Variants in SAMMSON observed in about 807,000 individuals in gnomAD.
The protein encoded by SAMMSON is survival associated mitochondrial melanoma specific oncogenic non-coding RNA, also known as long intergenic non-protein coding RNA 1212.
chr3:70,128,046 T>C (rs1024277754), intron 4 of SAMMSON, among the ~76,000 whole-genome samples: 4 of 152,202 alleles, frequency 2.6e-5, no homozygotes, highest in Non-Finnish European at 4.4e-5. Flanking sequence ...AGTTCACATG[T>C]TGAGTGAATG....
At chr3:70,308,620 G>A (rs568322234) in intron 7 of SAMMSON, among the ~76,000 whole-genome samples, 1 of 152,276 alleles carries the variant, frequency 6.6e-6, no homozygotes, top group Non-Finnish European at 1.5e-5. Flanking sequence ...AAAGCAAGAC[G>A]ATTGAATGAG....
intron 6 of SAMMSON, among the ~76,000 whole-genome samples, chr3:70,275,587 T>G (rs1211855845): frequency 6.6e-6 from 1 of 152,090 alleles, no homozygotes; most frequent in Non-Finnish European, 1.5e-5. Flanking sequence ...ACTGCCTAGG[T>G]TTAAATCCTG....
intron 4 of SAMMSON, among the ~76,000 whole-genome samples, chr3:70,147,469 C>G (rs985863698): frequency 6.6e-6 from 1 of 151,922 alleles, no homozygotes; most frequent in Non-Finnish European, 1.5e-5. Context: ...AGGGATCACA[C>G]GTAGATGACT....
chr3:70,386,376 G>A (rs1349445938), intron 9 of SAMMSON, among the ~76,000 whole-genome samples: 1 of 151,968 alleles, frequency 6.6e-6, no homozygotes, highest in Non-Finnish European at 1.5e-5. Flanking sequence ...GACAGAAAAT[G>A]TGCTGTCCAG....
chr3:70,379,237 C>G (rs908778425), intron 9 of SAMMSON, among the ~76,000 whole-genome samples: 1 of 152,138 alleles, frequency 6.6e-6, no homozygotes, highest in East Asian at 1.9e-4. Context: ...TGGTCTCAAG[C>G]GCCTGACCTC....
chr3:70,267,058 G>T (rs1458021809), intron 6 of SAMMSON, among the ~76,000 whole-genome samples: 1 of 152,108 alleles, frequency 6.6e-6, no homozygotes, highest in Non-Finnish European at 1.5e-5. Flanking sequence ...GAGCAATGTC[G>T]TGCCAATGAA....
rs5849946 is a variant in SAMMSON, at chr3:70,324,920, C to CAA, written n.740-29242_740-29241dup. On this transcript the variant is annotated intron_variant and non_coding_transcript_variant, in intron 7 of 9. Transcript: ENST00000642114. ...GTTGGAAGGTGAATATGTAAATGGC[C>CAA]AAAAAAAAAAAAAAGAAGTGATACG... Among the ~76,000 whole-genome samples, 1,292 of 134,786 alleles carry CAA rather than the reference C, an allele frequency of 9.6e-3. 18 individuals are homozygous for CAA. Among genetic ancestry groups the CAA allele is most frequent in the East Asian group, 0.059 (268 of 4,532 alleles). The allele number at this position is 134,786 out of a possible 152,430, so 88.4% of individuals were successfully genotyped here.
At chr3:70,238,378 G>A (rs956331960) in intron 4 of SAMMSON, among the ~76,000 whole-genome samples, 1 of 151,982 alleles carries the variant, frequency 6.6e-6, no homozygotes, top group Non-Finnish European at 1.5e-5. Flanking sequence ...GGAGGCTGAG[G>A]CAAGAGGATC....
At chr3:70,059,168 G>A (rs1323453810) in intron 3 of SAMMSON, among the ~76,000 whole-genome samples, 1 of 152,074 alleles carries the variant, frequency 6.6e-6, no homozygotes, top group African/African-American at 2.4e-5. Flanking sequence ...TTTGTAAAGT[G>A]ACATGTTTAT....
intron 1 of SAMMSON, among the ~76,000 whole-genome samples, chr3:70,006,704 A>G (rs926250149): frequency 3.3e-5 from 5 of 151,974 alleles, no homozygotes; most frequent in Non-Finnish European, 4.4e-5. Context: ...CATGTGCACA[A>G]CGTGCAGGTT....
chr3:70,051,161 G>GA (rs923843647), intron 3 of SAMMSON, among the ~76,000 whole-genome samples: 10 of 90,150 alleles, frequency 1.1e-4, no homozygotes, highest in Non-Finnish European at 4.5e-5. Flanking sequence ...AAAAAAAAAA[G>GA]AAAAAAAAAG....
intron 3 of SAMMSON, among the ~76,000 whole-genome samples, chr3:70,041,077 AGTTTTGGTAAGG>A (rs1246837234): frequency 9.9e-5 from 15 of 152,122 alleles, no homozygotes; most frequent in African/African-American, 3.6e-4. Context: ...AGTAAGGCTC[AGTTTTGGTAAGG>A]CTCCAATTTA....
chr3:70,015,427 C>T (rs1170656447), intron 3 of SAMMSON: 2 of 151,056 alleles, frequency 1.3e-5, no homozygotes, highest in Non-Finnish European at 2.9e-5. Context: ...GTTAACAAGT[C>T]GTTTATTTAC....
intron 7 of SAMMSON, among the ~76,000 whole-genome samples, chr3:70,348,525 C>T (rs1702769340): frequency 6.6e-6 from 1 of 152,104 alleles, no homozygotes; most frequent in Non-Finnish European, 1.5e-5. Flanking sequence ...CTTATAAGAG[C>T]CCTAATCCAA....
intron 7 of SAMMSON, among the ~76,000 whole-genome samples, chr3:70,310,695 G>T (rs992120000): frequency 1.3e-5 from 2 of 152,110 alleles, no homozygotes; most frequent in Non-Finnish European, 2.9e-5. Context: ...AGGGTTGGGG[G>T]TAGGGTGAGA....
chr3:70,218,525 GTGGTTGC>G (rs1405595700), intron 4 of SAMMSON, among the ~76,000 whole-genome samples: 2 of 152,144 alleles, frequency 1.3e-5, no homozygotes, highest in Admixed American at 6.5e-5. Flanking sequence ...TACCCAGGGT[GTGGTTGC>G]TGGAACGTTT....
At chr3:70,254,015 G>C (rs1424458618) in intron 6 of SAMMSON, among the ~76,000 whole-genome samples, 1 of 152,140 alleles carries the variant, frequency 6.6e-6, no homozygotes, top group African/African-American at 2.4e-5. Context: ...CAAATGCAGA[G>C]ATAAGACTAA....
chr3:70,280,882 G>A (rs767702129), intron 6 of SAMMSON, among the ~76,000 whole-genome samples: 20 of 152,094 alleles, frequency 1.3e-4, no homozygotes, highest in Non-Finnish European at 2.4e-4. Flanking sequence ...AGTCCAAGAA[G>A]AATCTAAACA....
At chr3:70,126,118 G>A in intron 4 of SAMMSON, 1 of 1,260,352 alleles carries the variant, frequency 7.9e-7, no homozygotes, top group Non-Finnish European at 1.1e-6. Flanking sequence ...TGTTAGGATT[G>A]TGCTGGAAGG....
Sources: gnomAD v4.1 joint callset for allele counts (sites outside exome capture counted in the v4.1 genomes callset) on GRCh38, gnomAD v4.1.1 for gene constraint, MANE v1.5 for transcripts, NCBI Gene and HGNC (gene_info 2026-07-23, HGNC 2026-07-21) for gene names.